The following KCNN3 variants were observed in gnomAD, a reference collection of about 807,000 sequenced individuals.
The protein encoded by KCNN3 is potassium calcium-activated channel subfamily N member 3.
KCNN3 carries 16 observed loss-of-function variants against 62.9 expected under a neutral mutation model. The observed-to-expected ratio is 0.25, with a 90% CI of 0.17 to 0.39. The LOEUF (loss-of-function observed/expected upper bound fraction) is 0.39. Ranked by LOEUF, KCNN3 falls within the 10% of genes least tolerant of loss-of-function variation. The pLI, the probability that KCNN3 is intolerant of heterozygous loss-of-function variation, is 1.00. For synonymous variants in KCNN3, 370 were observed against 389.2 expected (o/e 0.95, Z 0.58); for missense variants, 599 against 949.4 (o/e 0.63, Z 4.85).
At chr1:154,728,441 G>A (rs957858295) in intron 4 of KCNN3, among the ~76,000 whole-genome samples, 1 of 152,152 alleles carries the variant, frequency 6.6e-6, no homozygotes, top group Non-Finnish European at 1.5e-5. Context: ...GCAGTCACCA[G>A]TAATGACACC....
At chr1:154,861,371 T>C (rs906342743) in intron 1 of KCNN3, among the ~76,000 whole-genome samples, 11 of 152,154 alleles carry the variant, frequency 7.2e-5, no homozygotes, top group African/African-American at 2.7e-4. Flanking sequence ...AAATATTCCA[T>C]CCATCACTGT....
rs1030058505 is a variant in KCNN3 at position 154,704,183 on chromosome 1, A to G, written c.*3793T>C. ...GAATTTACTTTTGCGTACATTTTCT[A>G]TGTCTCCTAATTCACAAGATTGTTG... On this transcript the variant is annotated 3_prime_UTR_variant, in exon 8 of 8. Transcript: ENST00000271915. The G allele has an allele frequency of 2.0e-5, 3 of 152,210 alleles. No individual in the cohort carries two copies. The highest frequency in any genetic ancestry group is 2.9e-5 in the Non-Finnish European group (2 of 68,028). 9.4% of individuals were successfully genotyped at this position (152,210 alleles called of 1,614,324 possible). A position where few individuals can be genotyped will look rare whatever the true frequency, so the allele number is the denominator to read the frequency against.
intron 3 of KCNN3, among the ~76,000 whole-genome samples, chr1:154,745,225 C>T (rs1246167668): frequency 2.0e-5 from 3 of 152,178 alleles, no homozygotes; most frequent in Non-Finnish European, 2.9e-5. Context: ...TTATTTCCAG[C>T]CCTAAGAACT....
intron 3 of KCNN3, among the ~76,000 whole-genome samples, chr1:154,768,292 A>T (rs1648387744): frequency 6.6e-6 from 1 of 152,200 alleles, no homozygotes; most frequent in African/African-American, 2.4e-5. Flanking sequence ...TGCCAATCTT[A>T]CTTATTATTT....
At chr1:154,736,218 C>T (rs769646128) in intron 3 of KCNN3, among the ~76,000 whole-genome samples, 1 of 152,174 alleles carries the variant, frequency 6.6e-6, no homozygotes. Flanking sequence ...AAATAACCCA[C>T]AAGCAATACC....
chr1:154,739,061 A>G (rs547586700), intron 3 of KCNN3, among the ~76,000 whole-genome samples: 2 of 152,366 alleles, frequency 1.3e-5, no homozygotes, highest in East Asian at 3.9e-4. Context: ...CAAAGCATCA[A>G]AAGGTAGCAA....
At chr1:154,710,267 G>A (rs999345277) in intron 7 of KCNN3, among the ~76,000 whole-genome samples, 5 of 152,196 alleles carry the variant, frequency 3.3e-5, no homozygotes, top group Non-Finnish European at 5.9e-5. Flanking sequence ...ACAGAAAAGA[G>A]AGAGAACACA....
At chr1:154,838,544 A>C (rs1651696614) in intron 1 of KCNN3, among the ~76,000 whole-genome samples, 1 of 152,118 alleles carries the variant, frequency 6.6e-6, no homozygotes, top group African/African-American at 2.4e-5. Flanking sequence ...AAAATGCACT[A>C]AGCTTTCGTT....
At chr1:154,742,541 A>G (rs1218028387) in intron 3 of KCNN3, among the ~76,000 whole-genome samples, 1 of 152,210 alleles carries the variant, frequency 6.6e-6, no homozygotes, top group Non-Finnish European at 1.5e-5. Context: ...TGCCGGGCAC[A>G]TAGGTGCACT....
chr1:154,771,008 G>A (rs1648529456), intron 3 of KCNN3, among the ~76,000 whole-genome samples: 1 of 151,842 alleles, frequency 6.6e-6, no homozygotes, highest in Non-Finnish European at 1.5e-5. Context: ...AGTGAGCAGA[G>A]ACTATGCCAC....
intron 2 of KCNN3, among the ~76,000 whole-genome samples, chr1:154,790,814 G>C (rs1407632720): frequency 6.6e-6 from 1 of 152,166 alleles, no homozygotes; most frequent in East Asian, 1.9e-4. Context: ...CAGGGATCTT[G>C]GAACACATCC....
chr1:154,823,390 G>A (rs1346248385), intron 1 of KCNN3, among the ~76,000 whole-genome samples: 1 of 152,242 alleles, frequency 6.6e-6, no homozygotes, highest in Non-Finnish European at 1.5e-5. Flanking sequence ...CTGGTCATTA[G>A]AAGAATGATG....
chr1:154,798,342 G>A (rs1649814752), intron 2 of KCNN3, among the ~76,000 whole-genome samples: 1 of 152,224 alleles, frequency 6.6e-6, no homozygotes, highest in Non-Finnish European at 1.5e-5. Context: ...CCATAGCTCA[G>A]GAACATCATT....
chr1:154,711,726 G>C (rs1437235185), intron 7 of KCNN3, among the ~76,000 whole-genome samples: 1 of 152,134 alleles, frequency 6.6e-6, no homozygotes, highest in African/African-American at 2.4e-5. Context: ...TCCCAGGGTG[G>C]ATACGTGGCC....
At chr1:154,860,455 C>T (rs1352970985) in intron 1 of KCNN3, among the ~76,000 whole-genome samples, 4 of 152,214 alleles carry the variant, frequency 2.6e-5, no homozygotes, top group Admixed American at 6.5e-5. Flanking sequence ...ACCCGGTTAG[C>T]TCTGCCCAGA....
chr1:154,772,468 G>T lies in KCNN3; in HGVS notation c.1030-75C>A. 2.1e-6 allele frequency: 3 copies of T among 1,406,266 alleles called. No individual in the cohort carries two copies. The highest frequency in any genetic ancestry group is 3.0e-6 in the Non-Finnish European group (3 of 1,005,924). The allele number at this position is 1,406,266 out of a possible 1,614,324, so 87.1% of individuals were successfully genotyped here. ...AGCAGGGTCCAGGCAGGACAGGTGG[G>T]GCAGGCTGGGGCAGGCTGCTGGGCT... is the stretch of plus-strand genomic sequence containing the variant. On this transcript the variant is annotated intron_variant, in intron 2 of 7. Coordinates refer to ENST00000271915, the MANE Select transcript of KCNN3 (RefSeq NM_002249.6). The surrounding 1 kb of genome is among the most constrained non-coding windows in gnomAD (Gnocchi z 5.6).
At chr1:154,708,977 C>A (rs770430331) in intron 7 of KCNN3, among the ~76,000 whole-genome samples, 3 of 152,138 alleles carry the variant, frequency 2.0e-5, no homozygotes, top group Non-Finnish European at 2.9e-5. Context: ...CTCTGAAGGG[C>A]TGAGGTCTTT....
chr1:154,787,689 G>C (rs1238458095), intron 2 of KCNN3, among the ~76,000 whole-genome samples: 2 of 152,160 alleles, frequency 1.3e-5, no homozygotes, highest in African/African-American at 4.8e-5. Flanking sequence ...AGAGGGCCCT[G>C]CTTGACCCCT....
intron 3 of KCNN3, among the ~76,000 whole-genome samples, chr1:154,765,131 T>A (rs746459724): frequency 1.3e-5 from 2 of 152,180 alleles, no homozygotes; most frequent in Non-Finnish European, 2.9e-5. Context: ...TTGGGGTATG[T>A]CTAGGGGTGG....
Sources: gnomAD v4.1 joint callset for allele counts (sites outside exome capture counted in the v4.1 genomes callset) on GRCh38, gnomAD v4.1.1 for gene constraint, Gnocchi (gnomAD v3.1) non-coding constraint, MANE v1.5 for transcripts, NCBI Gene and HGNC (gene_info 2026-07-23, HGNC 2026-07-21) for gene names.